DGKB: variants seen among roughly 807,000 people sequenced by gnomAD.
DGKB encodes diacylglycerol kinase beta, also known as 90 kDa diacylglycerol kinase.
In DGKB, 67 loss-of-function variants were observed where a neutral mutation model predicts 114.3. The ratio of observed to expected loss-of-function variants is 0.59; its 90% confidence interval spans 0.48 to 0.72. The LOEUF (loss-of-function observed/expected upper bound fraction) is 0.72. DGKB is among the 30% of genes least tolerant of loss of function. DGKB has a pLI of 0.00. For missense variants in DGKB, 907 were observed against 975.2 expected, an observed-to-expected ratio of 0.93 and a Z score of 0.93; for synonymous variants, 398 against 323.1, an observed-to-expected ratio of 1.23 and a Z score of -2.49.
chr7:14,865,799 A>C (rs1240827635), intron 1 of DGKB, among the ~76,000 whole-genome samples: 1 of 152,202 alleles, frequency 6.6e-6, no homozygotes, highest in East Asian at 1.9e-4. Context: ...AGTAAAAAGA[A>C]GACCATGAAT....
chr7:14,538,235 A>G (rs762249054), intron 20 of DGKB, among the ~76,000 whole-genome samples: 3 of 152,090 alleles, frequency 2.0e-5, no homozygotes, highest in Admixed American at 2.0e-4. Flanking sequence ...TTAATTTCCA[A>G]AATATATAAG....
intron 1 of DGKB, among the ~76,000 whole-genome samples, chr7:14,858,397 G>C (rs988964485): frequency 6.6e-6 from 1 of 152,026 alleles, no homozygotes; most frequent in Non-Finnish European, 1.5e-5. Context: ...CTTATTTTAG[G>C]ATATGAATGT....
intron 2 of DGKB, among the ~76,000 whole-genome samples, chr7:14,800,529 G>A (rs945709317): frequency 6.6e-6 from 1 of 152,198 alleles, no homozygotes; most frequent in Non-Finnish European, 1.5e-5. Flanking sequence ...CAGGCTCCAA[G>A]TTCTTCAGAT....
chr7:14,693,174 T>A (rs112133233), intron 9 of DGKB, among the ~76,000 whole-genome samples: 3 of 152,158 alleles, frequency 2.0e-5, no homozygotes, highest in African/African-American at 7.2e-5. Context: ...GTCTTACACC[T>A]TAAAACTCTA....
At chr7:14,797,110 T>A (rs562534256) in intron 2 of DGKB, among the ~76,000 whole-genome samples, 1 of 152,262 alleles carries the variant, frequency 6.6e-6, no homozygotes, top group African/African-American at 2.4e-5. Flanking sequence ...TCAATGTTTT[T>A]ACTTTTTACT....
chr7:14,692,587 T>TA (rs763920671), intron 9 of DGKB, among the ~76,000 whole-genome samples: 3 of 151,722 alleles, frequency 2.0e-5, no homozygotes, highest in East Asian at 3.8e-4. Flanking sequence ...TATGGTATTA[T>TA]AAAAAAATAC....
rs114423906 is a variant in DGKB at position 14,230,891 on chromosome 7, T to C, written c.2123-52740A>G. On this transcript the variant is annotated intron_variant, in intron 23 of 25. Transcript: ENST00000402815. Reference sequence around the variant, plus strand: ...TTTCTTCCTCTCCTACCGGATGAGATGTGTTCTTAACATGTAAGACTATTA... The same window carrying C: ...TTTCTTCCTCTCCTACCGGATGAGACGTGTTCTTAACATGTAAGACTATTA... Among the ~76,000 whole-genome samples the C allele has an allele frequency of 4.6e-3, 700 of 152,166 alleles. 3 individuals are homozygous for C. The highest frequency in any genetic ancestry group is 0.01 in the Middle Eastern group (3 of 294).
At chr7:14,281,304 G>A (rs1353000992) in intron 23 of DGKB, among the ~76,000 whole-genome samples, 1 of 150,176 alleles carries the variant, frequency 6.7e-6, no homozygotes, top group Admixed American at 6.7e-5. Flanking sequence ...TCAACAAGAA[G>A]AGCTAACTAT....
intron 20 of DGKB, among the ~76,000 whole-genome samples, chr7:14,530,817 T>A (rs1475741422): frequency 6.6e-6 from 1 of 151,604 alleles, no homozygotes; most frequent in Non-Finnish European, 1.5e-5. Flanking sequence ...TCATTTTCTA[T>A]AAGACAAAGA....
chr7:14,360,906 T>G (rs1224823006), intron 21 of DGKB, among the ~76,000 whole-genome samples: 3 of 152,124 alleles, frequency 2.0e-5, no homozygotes, highest in African/African-American at 7.2e-5. Context: ...TTTAAATCAG[T>G]AATTATGTAA....
chr7:14,905,355 T>C (rs1233320694), upstream of DGKB, among the ~76,000 whole-genome samples: 1 of 151,822 alleles, frequency 6.6e-6, no homozygotes, highest in African/African-American at 2.4e-5. Flanking sequence ...AATTTTCAGT[T>C]AAGGATTGGT....
At chr7:14,917,914 G>A (rs1784319769) in intron 1 of DGKB, among the ~76,000 whole-genome samples, 1 of 152,016 alleles carries the variant, frequency 6.6e-6, no homozygotes. Flanking sequence ...CCACCACCAA[G>A]TGCGATTTAT....
chr7:14,792,430 G>C (rs144087663), intron 2 of DGKB, among the ~76,000 whole-genome samples: 560 of 152,204 alleles, frequency 3.7e-3, no homozygotes, highest in Non-Finnish European at 7.0e-3. Flanking sequence ...CTCAGGGAAG[G>C]CCTGGGACTA....
At position 14,524,973 on chromosome 7, in the gene DGKB, G is replaced by A. The variant is rs374168740; in HGVS notation, c.1771-46748C>T. On this transcript the variant is annotated intron_variant, in intron 20 of 25. Transcript: ENST00000402815. ...TTCTGCAATATATATAAAAACTTGG[G>A]GTGGGAAGAATAAAATTGACACACT... is the stretch of plus-strand genomic sequence containing the variant. 1.7e-4 allele frequency among the ~76,000 whole-genome samples: 25 copies of A among 145,740 alleles called. No homozygotes were observed. The East Asian group carries it at 2.3e-3, about 13-fold the overall frequency.
At chr7:14,755,688 A>G (rs544237138) in intron 3 of DGKB, among the ~76,000 whole-genome samples, 1 of 152,288 alleles carries the variant, frequency 6.6e-6, no homozygotes, top group Admixed American at 6.5e-5. Flanking sequence ...CTTTAAGGGC[A>G]TAAAGATTTA....
intron 1 of DGKB, among the ~76,000 whole-genome samples, chr7:14,941,513 T>C (rs1393863885): frequency 6.6e-6 from 1 of 152,116 alleles, no homozygotes; most frequent in Non-Finnish European, 1.5e-5. Flanking sequence ...ACAAAGTCAG[T>C]GTTCATTCCA....
chr7:14,720,740 A>G lies in DGKB; in HGVS notation c.323-2055T>C, dbSNP rs549351124. The stretch of plus-strand genomic sequence containing the variant: ...TATAAAGTTATCAACAGAGACATAT[A>G]TTGTAAACGGAATTTCCTTTTTAAT... On this transcript the variant is annotated intron_variant, in intron 5 of 25. Transcript: ENST00000402815. Among the ~76,000 whole-genome samples, 3 of 151,954 alleles carry G rather than the reference A, an allele frequency of 2.0e-5. No homozygotes were observed. In the East Asian group the frequency reaches 5.8e-4, roughly 29 times the overall value.
intron 1 of DGKB, among the ~76,000 whole-genome samples, chr7:14,866,970 C>T (rs1377433612): frequency 1.3e-5 from 2 of 152,146 alleles, no homozygotes; most frequent in Admixed American, 1.3e-4. Context: ...TTGCATTTCA[C>T]TGATTACATA....
At chr7:14,705,780 C>G (rs555326047) in intron 6 of DGKB, among the ~76,000 whole-genome samples, 1 of 151,710 alleles carries the variant, frequency 6.6e-6, no homozygotes. Flanking sequence ...GATTTTGTCA[C>G]CACCAGACCT....
Sources: gnomAD v4.1 joint callset for allele counts (sites outside exome capture counted in the v4.1 genomes callset) on GRCh38, gnomAD v4.1.1 for gene constraint, MANE v1.5 for transcripts, NCBI Gene and HGNC (gene_info 2026-07-23, HGNC 2026-07-21) for gene names.